The following DTL variants were observed in gnomAD, a reference collection of about 807,000 sequenced individuals.
DTL encodes denticleless protein homolog.
A neutral mutation model predicts 87.0 loss-of-function variants in DTL; 46 were observed. The observed-to-expected ratio is 0.53, with a 90% CI of 0.42 to 0.68. DTL has a LOEUF of 0.68. Ranked by LOEUF, DTL falls within the 30% of genes least tolerant of loss-of-function variation. DTL has a pLI of 0.00. For missense variants in DTL, 737 were observed against 869.4 expected, an observed-to-expected ratio of 0.85 and a Z score of 1.91; for synonymous variants, 308 against 311.2, an observed-to-expected ratio of 0.99 and a Z score of 0.11.
chr1:212,088,466 A>G (rs949274330), intron 13 of DTL, among the ~76,000 whole-genome samples: 1 of 152,184 alleles, frequency 6.6e-6, no homozygotes, highest in Admixed American at 6.5e-5. Context: ...AGATTCAAAA[A>G]CTATAGCACA....
chr1:212,059,779 C>CAAAAAAAAAAAAAAA (rs58890148), intron 5 of DTL, among the ~76,000 whole-genome samples: 1 of 80,218 alleles, frequency 1.2e-5, no homozygotes, highest in Non-Finnish European at 2.5e-5. Context: ...AAAGACTCTA[C>CAAAAAAAAAAAAAAA]AAAAAAAAAA....
chr1:212,039,200 T>G (rs1667570688), intron 1 of DTL, among the ~76,000 whole-genome samples: 1 of 152,228 alleles, frequency 6.6e-6, no homozygotes, highest in Non-Finnish European at 1.5e-5. Context: ...TTATTAGTAC[T>G]ATATGATTGA....
rs569626639 is a variant in DTL, at chr1:212,064,524, T to C, written c.527-393T>C. 5.3e-5 allele frequency among the ~76,000 whole-genome samples: 8 copies of C among 152,340 alleles called. No homozygotes were observed. The South Asian group carries it at 6.2e-4, about 12-fold the overall frequency. On this transcript the variant is annotated intron_variant, in intron 6 of 14. Transcript: ENST00000366991. ...CTAGAAATCCTCTGTGCTCCAGTTATTCATCCCTACCTCCCTCTAAGCCCT... is the reference window on the plus strand; with the variant it reads ...CTAGAAATCCTCTGTGCTCCAGTTACTCATCCCTACCTCCCTCTAAGCCCT...
intron 3 of DTL, 151 bp downstream of exon 3, chr1:212,044,909 C>G (rs1157998996): frequency 3.4e-6 from 2 of 585,536 alleles, no homozygotes; most frequent in Admixed American, 3.2e-5. Context: ...AAAAAGTTTA[C>G]TTGGTGTGTG....
Position 212,102,923 on chromosome 1 carries a change from C to T in DTL, c.2176C>T (p.His726Tyr). 1 of 1,599,212 alleles carries T rather than the reference C, an allele frequency of 6.3e-7. No homozygotes were observed. Among genetic ancestry groups the T allele is most frequent in the Admixed American group, 1.7e-5 (1 of 59,882 alleles). ...KSQEDFCGPE[H>Y]STEL The stretch of plus-strand genomic sequence containing the variant: ...CCAGGAGGACTTCTGTGGTCCTGAA[C>T]ACTCAACAGAATTATAGATTCTAAT... Residue 726 changes from histidine (H) to tyrosine (Y), a missense_variant, in exon 15 of 15, where the codon CAC becomes TAC. His to Tyr is a moderately conservative substitution (Grantham distance 83). Coordinates refer to ENST00000366991, the MANE Select transcript of DTL (RefSeq NM_016448.4).
rs1259410930 is a variant in DTL at position 212,059,793 on chromosome 1, A to C, written c.461-3091A>C. Among the ~76,000 whole-genome samples the C allele has an allele frequency of 9.0e-5, 12 of 133,686 alleles. No homozygotes were observed. The East Asian group carries it at 1.5e-3, about 17-fold the overall frequency. The allele number at this position is 133,686 out of a possible 152,430, so 87.7% of individuals were successfully genotyped here. A position where few individuals can be genotyped will look rare whatever the true frequency, so the allele number is the denominator to read the frequency against. On this transcript the variant is annotated intron_variant, in intron 5 of 14. Transcript: ENST00000366991. Reference sequence around the variant, plus strand: ...TAAAGACTCTACAAAAAAAAAAAAAAAAAAAAAAAACCTCAGATCTGATAA... The same window carrying C: ...TAAAGACTCTACAAAAAAAAAAAAACAAAAAAAAAACCTCAGATCTGATAA...
intron 5 of DTL, among the ~76,000 whole-genome samples, chr1:212,059,383 A>G (rs889893082): frequency 6.6e-6 from 1 of 151,988 alleles, no homozygotes; most frequent in African/African-American, 2.4e-5. Context: ...ATCAATAAAC[A>G]TGATACATAC....
chr1:212,097,584 T>G (rs1213286475), intron 13 of DTL, among the ~76,000 whole-genome samples: 3 of 151,768 alleles, frequency 2.0e-5, no homozygotes, highest in Non-Finnish European at 3.0e-5. Flanking sequence ...TGTTTTTTAT[T>G]TATGATATCT....
At chr1:212,074,187 G>T (rs1405775358) in intron 11 of DTL, among the ~76,000 whole-genome samples, 1 of 151,284 alleles carries the variant, frequency 6.6e-6, no homozygotes, top group African/African-American at 2.4e-5. Flanking sequence ...CATGTGTGTT[G>T]TATAGTTTCT....
At chr1:212,057,969 G>A (rs1668229640) in intron 5 of DTL, among the ~76,000 whole-genome samples, 1 of 152,134 alleles carries the variant, frequency 6.6e-6, no homozygotes, top group South Asian at 2.1e-4. Context: ...GTCAAAAGCA[G>A]TAAGAAGAAA....
intron 13 of DTL, among the ~76,000 whole-genome samples, chr1:212,084,058 A>G (rs998683909): frequency 6.6e-6 from 1 of 152,108 alleles, no homozygotes; most frequent in African/African-American, 2.4e-5. Flanking sequence ...ATACAGGTTC[A>G]TTTTTCTAAG....
rs1655677201 is a variant in DTL at position 212,103,304 on chromosome 1, T to C, written c.*364T>C. 6.4e-6 allele frequency: 1 copy of C among 155,114 alleles called. No homozygotes were observed. Among genetic ancestry groups the C allele is most frequent in the Non-Finnish European group, 1.4e-5 (1 of 70,136 alleles). 9.6% of individuals were successfully genotyped at this position (155,114 alleles called of 1,614,324 possible). ...CTTGTTATCCTGAAACTTTCTATGC[T>C]CAGTGGAAAGTATCTGCCAGCCACA... On this transcript the variant is annotated 3_prime_UTR_variant, in exon 15 of 15. Transcript: ENST00000366991.
At chr1:212,091,801 A>G (rs902080199) in intron 13 of DTL, among the ~76,000 whole-genome samples, 2 of 152,234 alleles carry the variant, frequency 1.3e-5, no homozygotes, top group African/African-American at 2.4e-5. Context: ...TAGATTTTAA[A>G]TGTTCTTACC....
intron 12 of DTL, 79 bp downstream of exon 12, chr1:212,078,341 T>C: frequency 2.2e-6 from 2 of 905,250 alleles, no homozygotes; most frequent in South Asian, 1.5e-5. Flanking sequence ...GTTTTGAGAA[T>C]GATATAAATT....
chr1:212,044,530 G>T (rs1225130398), intron 2 of DTL, 130 bp from the exon 3 acceptor site: 4 of 551,370 alleles, frequency 7.3e-6, no homozygotes, highest in Non-Finnish European at 9.8e-6. Context: ...CTTGAACCCA[G>T]GAGGTGGAGG....
At chr1:212,069,637 C>G (rs894433402) in intron 10 of DTL, among the ~76,000 whole-genome samples, 7 of 152,170 alleles carry the variant, frequency 4.6e-5, no homozygotes, top group Non-Finnish European at 7.4e-5. Context: ...CCTCCGCCTC[C>G]TGGGTTCAAG....
chr1:212,100,296 G>A lies in DTL; in HGVS notation c.1306G>A (p.Ala436Thr), dbSNP rs1246898828. ...GAGTACTCCTGCCAAAGCCCCCAGG[G>A]CAAAGTGCAATCCATCCAATTCTTC... The part of the protein sequence containing the change: ...SQSTPAKAPR[A>T]KCNPSNSSPS... Residue 436 changes from alanine (A) to threonine (T), a missense_variant, in exon 14 of 15, where the codon GCA becomes ACA. Coordinates refer to ENST00000366991, the MANE Select transcript of DTL (RefSeq NM_016448.4). 6.2e-7 allele frequency: 1 copy of A among 1,602,932 alleles called. No homozygotes were observed. Among genetic ancestry groups the A allele is most frequent in the Admixed American group, 1.7e-5 (1 of 58,240 alleles).
chr1:212,050,862 G>A (rs1667950390), intron 5 of DTL, among the ~76,000 whole-genome samples: 2 of 151,998 alleles, frequency 1.3e-5, no homozygotes, highest in African/African-American at 4.8e-5. Context: ...CTCTTGCTAA[G>A]GTTATTAATT....
chr1:212,080,758 T>C lies in DTL; in HGVS notation c.1261+8T>C. ...AGTCAAGACCTGGCCTAGGTAAGGA[T>C]ATCATATACTTTCCAAGTTTTTTAT... On this transcript the variant is annotated splice_region_variant and intron_variant, in intron 13 of 14. Coordinates refer to ENST00000366991, the MANE Select transcript of DTL (RefSeq NM_016448.4). 1 of 1,612,242 alleles carries C rather than the reference T, an allele frequency of 6.2e-7. No homozygotes were observed. Among genetic ancestry groups the C allele is most frequent in the Non-Finnish European group, 8.5e-7 (1 of 1,179,096 alleles).
Sources: allele counts gnomAD v4.1 joint callset (sites outside exome capture counted in the v4.1 genomes callset), GRCh38; gene constraint gnomAD v4.1.1; transcripts MANE v1.5; gene names NCBI Gene and HGNC (gene_info 2026-07-23, HGNC 2026-07-21).